Variants in TRPC4AP observed in about 807,000 individuals in gnomAD.
TRPC4AP encodes short transient receptor potential channel 4-associated protein.
Under a neutral mutation model 99.0 loss-of-function variants are expected in TRPC4AP, and 45 were observed. The observed-to-expected ratio is 0.45, with a 90% CI of 0.36 to 0.58. The LOEUF is 0.58. Among genes scored for constraint, TRPC4AP ranks in the 20% least tolerant of loss-of-function variants. TRPC4AP has a pLI of 0.00. For missense variants in TRPC4AP, 879 were observed against 985.3 expected, an observed-to-expected ratio of 0.89 and a Z score of 1.44; for synonymous variants, 408 against 385.8, an observed-to-expected ratio of 1.06 and a Z score of -0.67.
chr20:35,074,291 T>TC (rs1320980520), intron 2 of TRPC4AP, among the ~76,000 whole-genome samples: 12 of 152,354 alleles, frequency 7.9e-5, no homozygotes, highest in African/African-American at 2.9e-4. Context: ...CTGATCTTAG[T>TC]TATTTCTCGC....
rs1198637632 is a variant in TRPC4AP, at chr20:35,059,629, G to A, written c.415-2058C>T. ...GCTATGATCATGCCAATACACTCCA[G>A]CCTGGATGGCAGGGTGAGACTCCAT... On this transcript the variant is annotated intron_variant, in intron 3 of 18. Coordinates refer to ENST00000252015, the MANE Select transcript of TRPC4AP (RefSeq NM_015638.3). Among the ~76,000 whole-genome samples, 3 of 151,914 alleles carry A rather than the reference G, an allele frequency of 2.0e-5. No homozygotes were observed. In the East Asian group the frequency reaches 5.8e-4, roughly 29 times the overall value.
chr20:35,023,762 C>A (rs1184362980), intron 8 of TRPC4AP, among the ~76,000 whole-genome samples: 1 of 152,136 alleles, frequency 6.6e-6, no homozygotes, highest in Non-Finnish European at 1.5e-5. Flanking sequence ...CCATGGTGCT[C>A]TAGGGAGTCC....
At chr20:35,050,848 AT>A (rs1423993442) in intron 5 of TRPC4AP, among the ~76,000 whole-genome samples, 1 of 151,580 alleles carries the variant, frequency 6.6e-6, no homozygotes, top group Non-Finnish European at 1.5e-5. Context: ...AAACTGCAGT[AT>A]TGTCAAGTGC....
At chr20:35,022,714 A>C (rs776870625) in intron 8 of TRPC4AP, among the ~76,000 whole-genome samples, 3 of 152,196 alleles carry the variant, frequency 2.0e-5, no homozygotes, top group Non-Finnish European at 4.4e-5. Flanking sequence ...TTAAAGTATC[A>C]AGACAGAAGA....
At chr20:35,036,608 T>C (rs1256784284) in intron 7 of TRPC4AP, among the ~76,000 whole-genome samples, 1 of 152,182 alleles carries the variant, frequency 6.6e-6, no homozygotes, top group Non-Finnish European at 1.5e-5. Flanking sequence ...TACTTCAAAA[T>C]AACCCAAGGT....
intron 8 of TRPC4AP, among the ~76,000 whole-genome samples, chr20:35,031,963 C>T (rs2083205897): frequency 6.6e-6 from 1 of 152,218 alleles, no homozygotes; most frequent in African/African-American, 2.4e-5. Flanking sequence ...ACCATCTCAG[C>T]ACACTGCAAC....
intron 7 of TRPC4AP, among the ~76,000 whole-genome samples, chr20:35,044,151 G>A (rs2083501877): frequency 6.6e-6 from 1 of 152,050 alleles, no homozygotes. Flanking sequence ...AGCACTTCGG[G>A]AAGATGAGGT....
intron 2 of TRPC4AP, among the ~76,000 whole-genome samples, chr20:35,069,773 T>C (rs1156329682): frequency 6.6e-6 from 1 of 152,180 alleles, no homozygotes; most frequent in African/African-American, 2.4e-5. Context: ...AAACCCCATC[T>C]CTACTAAAAG....
chr20:35,038,503 A>G (rs892169660), intron 7 of TRPC4AP, among the ~76,000 whole-genome samples: 1 of 152,166 alleles, frequency 6.6e-6, no homozygotes, highest in African/African-American at 2.4e-5. Flanking sequence ...ATAATTCTAT[A>G]TATACTAGAG....
chr20:35,017,410 C>T (rs1015245665), intron 9 of TRPC4AP, among the ~76,000 whole-genome samples: 13 of 152,182 alleles, frequency 8.5e-5, no homozygotes, highest in African/African-American at 2.9e-4. Flanking sequence ...AGAGGCTTCA[C>T]TTATACTAAT....
intron 1 of TRPC4AP, among the ~76,000 whole-genome samples, chr20:35,091,732 G>C (rs2085073283): frequency 6.6e-6 from 1 of 152,096 alleles, no homozygotes; most frequent in African/African-American, 2.4e-5. Flanking sequence ...TCATATGTTG[G>C]GCACCTGTTA....
intron 13 of TRPC4AP, 30 bp downstream of exon 13, chr20:35,008,634 G>A: frequency 6.2e-7 from 1 of 1,602,870 alleles, no homozygotes; most frequent in Non-Finnish European, 8.5e-7. Context: ...CAGCCCCGCA[G>A]AATCGGCAGG....
intron 8 of TRPC4AP, among the ~76,000 whole-genome samples, chr20:35,033,721 G>C (rs898320614): frequency 6.6e-6 from 1 of 152,190 alleles, no homozygotes; most frequent in Non-Finnish European, 1.5e-5. Context: ...GCCAGGCACA[G>C]TGGCTCATGC....
At chr20:35,072,117 G>A (rs745551469) in intron 2 of TRPC4AP, among the ~76,000 whole-genome samples, 7 of 152,270 alleles carry the variant, frequency 4.6e-5, no homozygotes, top group Non-Finnish European at 1.0e-4. Context: ...CCTTCGCCCA[G>A]TTTTTGATGG....
chr20:35,081,045 T>C (rs919090680), intron 1 of TRPC4AP, among the ~76,000 whole-genome samples: 9 of 152,266 alleles, frequency 5.9e-5, no homozygotes, highest in Admixed American at 5.9e-4. Flanking sequence ...GTAAATTTTA[T>C]TGTATATAAA....
intron 3 of TRPC4AP, among the ~76,000 whole-genome samples, chr20:35,065,940 C>T (rs940409708): frequency 6.6e-6 from 1 of 152,082 alleles, no homozygotes; most frequent in East Asian, 1.9e-4. Flanking sequence ...CTAGGACCAC[C>T]GACACTGCTG....
At chr20:35,031,525 C>T (rs1056572788) in intron 8 of TRPC4AP, among the ~76,000 whole-genome samples, 3 of 150,612 alleles carry the variant, frequency 2.0e-5, no homozygotes, top group African/African-American at 7.3e-5. Context: ...TGTGCGCCAA[C>T]ATGCCAGGCC....
chr20:35,041,370 G>C (rs1041096390), intron 7 of TRPC4AP, among the ~76,000 whole-genome samples: 9 of 152,120 alleles, frequency 5.9e-5, no homozygotes, highest in African/African-American at 2.2e-4. Context: ...GAATGGAGTA[G>C]GAATTATGGT....
chr20:35,003,226 C>G lies in TRPC4AP; in HGVS notation c.2314G>C (p.Asp772His). The G allele has an allele frequency of 6.2e-7, 1 of 1,614,204 alleles. No homozygotes were observed. Among genetic ancestry groups the G allele is most frequent in the Non-Finnish European group, 8.5e-7 (1 of 1,180,032 alleles). The part of the protein sequence containing the change: ...KETVSILLNP[D>H]RQSPSALVSY... ...ACGAGAGCAGAGGGTGACTGCCGGT[C>G]CGGGTTCAACAGGATGGACACTGTC... is the stretch of plus-strand genomic sequence containing the variant. The change falls in exon 19 of 19, where the codon GAC (aspartate) becomes CAC (histidine). Residue 772 changes from aspartate (D) to histidine (H), a missense_variant. Physicochemically the swap from Asp to His is moderately conservative, Grantham distance 81. Coordinates refer to ENST00000252015, the MANE Select transcript of TRPC4AP (RefSeq NM_015638.3).
Sources: gnomAD v4.1 joint callset for allele counts (sites outside exome capture counted in the v4.1 genomes callset) on GRCh38, gnomAD v4.1.1 for gene constraint, MANE v1.5 for transcripts, NCBI Gene and HGNC (gene_info 2026-07-23, HGNC 2026-07-21) for gene names.